The following ADGRV1 variants were observed in gnomAD, a reference collection of about 807,000 sequenced individuals.
The protein encoded by ADGRV1 is adhesion G protein-coupled receptor V1.
Under a neutral mutation model 596.2 loss-of-function variants are expected in ADGRV1, and 359 were observed. The ratio of observed to expected loss-of-function variants is 0.60; its 90% CI spans 0.55 to 0.66. The LOEUF (loss-of-function observed/expected upper bound fraction) is 0.66, where lower values mean the gene tolerates loss of function less well. Ranked by LOEUF, ADGRV1 falls within the 30% of genes least tolerant of loss-of-function variation. The pLI is 0.00. For missense variants in ADGRV1, 7,274 were observed against 7,575.6 expected (o/e 0.96, Z 1.48); for synonymous variants, 2,681 against 2,679.2 (o/e 1.00, Z -0.02).
chr5:90,637,833 C>T lies in ADGRV1; in HGVS notation c.2125C>T (p.Pro709Ser). Residue 709 changes from proline (P) to serine (S), a missense_variant, in exon 11 of 90, where the codon CCC becomes TCC. Around this residue, in one of 5 missense-constraint regions of ADGRV1, gnomAD observed 1,715 missense variants for 1,708.8 expected, o/e 1.00. Transcript: ENST00000405460. ...SKAVTPDDIGPFNGSVLFLSG... is the reference protein window; with the variant it reads ...SKAVTPDDIGSFNGSVLFLSG... Reference sequence around the variant, plus strand: ...AGCAGTGACCCCGGATGATATAGGCCCCTTTAATGGCTCTGTTTTGTTTTT... The same window carrying T: ...AGCAGTGACCCCGGATGATATAGGCTCCTTTAATGGCTCTGTTTTGTTTTT... 2 of 1,613,580 alleles carry T rather than the reference C, an allele frequency of 1.2e-6. No homozygotes were observed. Among genetic ancestry groups the T allele is most frequent in the Non-Finnish European group, 1.7e-6 (2 of 1,179,736 alleles).
chr5:90,939,643 G>A (rs1776005586), intron 83 of ADGRV1, among the ~76,000 whole-genome samples: 1 of 152,160 alleles, frequency 6.6e-6, no homozygotes, highest in South Asian at 2.1e-4. Flanking sequence ...CTTCATCTGG[G>A]AATAATATTT....
intron 83 of ADGRV1, among the ~76,000 whole-genome samples, chr5:90,872,670 T>C (rs1278794741): frequency 2.0e-5 from 3 of 152,124 alleles, no homozygotes; most frequent in Non-Finnish European, 4.4e-5. Flanking sequence ...CTCTGCATTG[T>C]GTGTAAGAAA....
chr5:90,918,828 G>C (rs1455725440), intron 83 of ADGRV1, among the ~76,000 whole-genome samples: 1 of 151,962 alleles, frequency 6.6e-6, no homozygotes, highest in Non-Finnish European at 1.5e-5. Context: ...TTACCTCTTA[G>C]TGGAAGAAAT....
intron 82 of ADGRV1, among the ~76,000 whole-genome samples, chr5:90,861,565 T>A (rs546553808): frequency 1.9e-4 from 29 of 152,240 alleles, no homozygotes; most frequent in African/African-American, 6.0e-4. Flanking sequence ...CACCTTGGCC[T>A]CCCAAAGTGC....
At chr5:90,969,151 A>G (rs1025072912) in intron 84 of ADGRV1, among the ~76,000 whole-genome samples, 6 of 152,130 alleles carry the variant, frequency 3.9e-5, no homozygotes, top group Non-Finnish European at 7.4e-5. Context: ...TTATTTGAAA[A>G]CTCAAGTTGT....
chr5:90,871,795 G>A (rs1467348501), intron 83 of ADGRV1, among the ~76,000 whole-genome samples: 4 of 152,176 alleles, frequency 2.6e-5, no homozygotes, highest in East Asian at 1.9e-4. Flanking sequence ...GATATGGAGC[G>A]TAGGGGGAAG....
chr5:90,609,302 T>G (rs1762464223), intron 1 of ADGRV1, among the ~76,000 whole-genome samples: 1 of 151,950 alleles, frequency 6.6e-6, no homozygotes, highest in African/African-American at 2.4e-5. Flanking sequence ...ATATATAAGT[T>G]ATTTAAAGAT....
rs766358648 is a variant in ADGRV1 at position 90,788,067 on chromosome 5, G to A, written c.13654-4G>A. On this transcript the variant is annotated splice_polypyrimidine_tract_variant and splice_region_variant and intron_variant, in intron 67 of 89. Coordinates refer to ENST00000405460, the MANE Select transcript of ADGRV1 (RefSeq NM_032119.4). ...GAAATACCAAAACCAAAAACATCCC[G>A]CAGGTGAACTGGGAGACAGTAGGAC... The A allele has an allele frequency of 1.1e-5, 17 of 1,582,516 alleles. No individual in the cohort carries two copies. The highest frequency in any genetic ancestry group is 1.7e-4 in the Middle Eastern group (1 of 5,910).
intron 83 of ADGRV1, among the ~76,000 whole-genome samples, chr5:90,887,453 T>G (rs1316631582): frequency 6.6e-6 from 1 of 152,184 alleles, no homozygotes; most frequent in Non-Finnish European, 1.5e-5. Context: ...GGTTCTTGAC[T>G]TATTCATCTC....
At chr5:90,650,999 G>A (rs1204891635) in intron 17 of ADGRV1, among the ~76,000 whole-genome samples, 2 of 152,098 alleles carry the variant, frequency 1.3e-5, no homozygotes. Context: ...CCAATGTGTA[G>A]GCAATAACAG....
At chr5:91,122,621 T>C (rs1221979321) in intron 87 of ADGRV1, among the ~76,000 whole-genome samples, 2 of 152,216 alleles carry the variant, frequency 1.3e-5, no homozygotes, top group East Asian at 3.8e-4. Flanking sequence ...TTTTATTGGA[T>C]TGTATCTTAT....
intron 68 of ADGRV1, among the ~76,000 whole-genome samples, chr5:90,789,150 T>C (rs958984169): frequency 1.3e-5 from 2 of 152,178 alleles, no homozygotes; most frequent in South Asian, 2.1e-4. Context: ...CCTTCAGTTG[T>C]TTAGATGAGG....
intron 54 of ADGRV1, among the ~76,000 whole-genome samples, chr5:90,754,643 A>G (rs1755632515): frequency 1.3e-5 from 2 of 152,156 alleles, no homozygotes; most frequent in South Asian, 4.1e-4. Context: ...TATAATTATC[A>G]TCTCTGTTCA....
chr5:90,896,170 T>G (rs912327291), intron 83 of ADGRV1, among the ~76,000 whole-genome samples: 3 of 151,982 alleles, frequency 2.0e-5, no homozygotes. Flanking sequence ...AATTTCAGTT[T>G]AAGGAAATTT....
chr5:91,124,120 T>C (rs1479948535), intron 87 of ADGRV1, among the ~76,000 whole-genome samples: 1 of 152,156 alleles, frequency 6.6e-6, no homozygotes, highest in Non-Finnish European at 1.5e-5. Flanking sequence ...TTTTACTTCC[T>C]TTCATGATTC....
At chr5:90,637,231 A>T (rs1342156732) in intron 10 of ADGRV1, among the ~76,000 whole-genome samples, 2 of 152,140 alleles carry the variant, frequency 1.3e-5, no homozygotes, top group African/African-American at 4.8e-5. Flanking sequence ...TGTGGTATTT[A>T]TCCTATTGGT....
At chr5:90,992,373 C>A (rs796519907) in intron 85 of ADGRV1, among the ~76,000 whole-genome samples, 260 of 152,278 alleles carry the variant, frequency 1.7e-3, no homozygotes, top group African/African-American at 6.0e-3. Context: ...CAAACCACAA[C>A]CTTAGCTTTT....
At chr5:91,033,410 C>G (rs2151236672) in intron 85 of ADGRV1, among the ~76,000 whole-genome samples, 1 of 152,212 alleles carries the variant, frequency 6.6e-6, no homozygotes, top group East Asian at 1.9e-4. Context: ...CTTCATGTTC[C>G]TGATCTCTGT....
intron 31 of ADGRV1, chr5:90,691,251 A>G: frequency 1.6e-6 from 1 of 633,358 alleles, no homozygotes; most frequent in South Asian, 1.6e-5. Flanking sequence ...CCAGTTTACT[A>G]CTATAAGACT....
Sources: gnomAD v4.1 joint callset for allele counts (sites outside exome capture counted in the v4.1 genomes callset) on GRCh38, gnomAD v4.1.1 for gene constraint, gnomAD v4.1.1 regional missense constraint, MANE v1.5 for transcripts, NCBI Gene and HGNC (gene_info 2026-07-23, HGNC 2026-07-21) for gene names.